The following SLC38A1 variants were observed in gnomAD, a reference collection of about 807,000 sequenced individuals.
SLC38A1 encodes the protein sodium-coupled neutral amino acid symporter 1.
SLC38A1 carries 18 observed loss-of-function variants against 60.3 expected under a neutral mutation model. That is an observed-to-expected ratio of 0.30 (90% CI 0.21 to 0.44). The LOEUF is 0.44. SLC38A1 is among the 20% of genes least tolerant of loss of function. SLC38A1 has a pLI of 1.00. For synonymous variants in SLC38A1, 196 were observed against 212.1 expected, an observed-to-expected ratio of 0.92 and a Z score of 0.66; for missense variants, 448 against 587.2, an observed-to-expected ratio of 0.76 and a Z score of 2.45.
At chr12:46,204,688 A>G in intron 9 of SLC38A1, 98 bp from the exon 10 acceptor site, 1 of 832,644 alleles carries the variant, frequency 1.2e-6, no homozygotes, top group South Asian at 1.8e-5. Context: ...AAAATTCATC[A>G]CCTCACTTAT....
intron 16 of SLC38A1, among the ~76,000 whole-genome samples, 157 bp from the exon 17 acceptor site, chr12:46,189,228 A>C (rs376032146): frequency 1.3e-5 from 2 of 152,062 alleles, no homozygotes; most frequent in East Asian, 1.9e-4. Flanking sequence ...TCTTTCTAAA[A>C]TTTTATGAAT....
At chr12:46,192,533 A>T (rs1484446742) in intron 16 of SLC38A1, among the ~76,000 whole-genome samples, 1 of 152,192 alleles carries the variant, frequency 6.6e-6, no homozygotes, top group Non-Finnish European at 1.5e-5. Flanking sequence ...TACCTCTGGT[A>T]GAATTTGGCT....
chr12:46,233,792 C>G (rs2138072262), intron 3 of SLC38A1, among the ~76,000 whole-genome samples: 1 of 152,312 alleles, frequency 6.6e-6, no homozygotes, highest in African/African-American at 2.4e-5. Context: ...CTCTTTCAGT[C>G]TACTTTCTGC....
intron 1 of SLC38A1, among the ~76,000 whole-genome samples, chr12:46,246,082 C>T (rs1006247872): frequency 6.6e-6 from 1 of 152,188 alleles, no homozygotes; most frequent in African/African-American, 2.4e-5. Context: ...CAGCTCCCAG[C>T]GTGAACAAAG....
chr12:46,253,847 G>A (rs1458827755), intron 1 of SLC38A1, among the ~76,000 whole-genome samples: 1 of 152,180 alleles, frequency 6.6e-6, no homozygotes, highest in Non-Finnish European at 1.5e-5. Context: ...AGGCTGAATA[G>A]GGGTGATGGT....
chr12:46,248,455 G>T (rs1257449958), intron 1 of SLC38A1, among the ~76,000 whole-genome samples: 1 of 152,160 alleles, frequency 6.6e-6, no homozygotes, highest in Non-Finnish European at 1.5e-5. Flanking sequence ...TAATGGTAAA[G>T]GGATCAATTC....
Position 46,186,586 on chromosome 12 carries a change from G to A in SLC38A1, c.*2384C>T, listed in dbSNP as rs969902231. The A allele has an allele frequency of 1.3e-5, 2 of 152,162 alleles. No individual in the cohort carries two copies. Among genetic ancestry groups the A allele is most frequent in the Non-Finnish European group, 2.9e-5 (2 of 68,032 alleles). The allele number at this position is 152,162 out of a possible 1,614,324, so 9.4% of individuals were successfully genotyped here. ...ATGTAACTAATCAGTGATATTTGACGAATTATGGTAGGGTCTATTATATTC... is the reference window on the plus strand; with the variant it reads ...ATGTAACTAATCAGTGATATTTGACAAATTATGGTAGGGTCTATTATATTC... On this transcript the variant is annotated 3_prime_UTR_variant, in exon 17 of 17. Coordinates refer to ENST00000398637, the MANE Select transcript of SLC38A1 (RefSeq NM_030674.4).
At chr12:46,265,146 T>G (rs1942313459) in intron 1 of SLC38A1, among the ~76,000 whole-genome samples, 1 of 152,118 alleles carries the variant, frequency 6.6e-6, no homozygotes, top group Non-Finnish European at 1.5e-5. Context: ...TTACCATCAC[T>G]CAGTAAAGTG....
chr12:46,238,856 T>C lies in SLC38A1; in HGVS notation c.122+823A>G, dbSNP rs548880430. On this transcript the variant is annotated intron_variant, in intron 3 of 16. Transcript: ENST00000398637. Reference sequence around the variant, plus strand: ...GCTTTCCTTCTCTTTTTCTTTTATGTACTATGTCTCTATTATAGTTCCTCA... The same window carrying C: ...GCTTTCCTTCTCTTTTTCTTTTATGCACTATGTCTCTATTATAGTTCCTCA... Among the ~76,000 whole-genome samples, 160 of 152,330 alleles carry C rather than the reference T, an allele frequency of 1.1e-3. 1 individual carries two copies. The highest frequency in any genetic ancestry group is 3.7e-3 in the African/African-American group (153 of 41,576).
chr12:46,195,835 C>T (rs187689627), intron 16 of SLC38A1: 27 of 307,946 alleles, frequency 8.8e-5, no homozygotes, highest in Middle Eastern at 1.2e-3. Flanking sequence ...AGGAGTGTAC[C>T]GTTTCTCCAG....
At chr12:46,193,148 T>C (rs1660046753) in intron 16 of SLC38A1, among the ~76,000 whole-genome samples, 1 of 152,224 alleles carries the variant, frequency 6.6e-6, no homozygotes, top group Admixed American at 6.5e-5. Flanking sequence ...TTCTCATTGG[T>C]TTCAAAGAAC....
intron 16 of SLC38A1, among the ~76,000 whole-genome samples, chr12:46,193,856 C>T (rs1327005517): frequency 2.0e-5 from 3 of 152,136 alleles, no homozygotes; most frequent in African/African-American, 7.2e-5. Context: ...CTCCTCAATA[C>T]AGCACACTGA....
intron 5 of SLC38A1, among the ~76,000 whole-genome samples, chr12:46,223,310 A>G (rs1184555802): frequency 6.6e-6 from 1 of 152,218 alleles, no homozygotes; most frequent in Non-Finnish European, 1.5e-5. Flanking sequence ...ATAGTGTAGC[A>G]TATATAGATA....
intron 5 of SLC38A1, among the ~76,000 whole-genome samples, chr12:46,222,385 T>G (rs2137684237): frequency 6.6e-6 from 1 of 152,266 alleles, no homozygotes; most frequent in East Asian, 1.9e-4. Flanking sequence ...CCAAATATTC[T>G]GGGCAATATA....
intron 3 of SLC38A1, among the ~76,000 whole-genome samples, chr12:46,236,033 G>T (rs2138149737): frequency 6.6e-6 from 1 of 152,254 alleles, no homozygotes. Context: ...AAAGAAAGGG[G>T]ACTGCATTTT....
rs1941044219 is a variant in SLC38A1 at position 46,230,752 on chromosome 12, T to TA, written c.123-1114dup. Among the ~76,000 whole-genome samples, 5 of 152,312 alleles carry TA rather than the reference T, an allele frequency of 3.3e-5. No individual in the cohort carries two copies. The South Asian group carries it at 1.0e-3, about 32-fold the overall frequency. On this transcript the variant is annotated intron_variant, in intron 3 of 16. Transcript: ENST00000398637. Reference sequence around the variant, plus strand: ...AACTTTATAGCCTAAATTTCTAATTTAAAAAAATTATCCAACAAATGATTT... The same window carrying TA: ...AACTTTATAGCCTAAATTTCTAATTTAAAAAAAATTATCCAACAAATGATTT...
chr12:46,217,341 A>G (rs892025387), intron 5 of SLC38A1, among the ~76,000 whole-genome samples: 4 of 152,236 alleles, frequency 2.6e-5, no homozygotes, highest in African/African-American at 9.6e-5. Flanking sequence ...ATAACACTGT[A>G]AAAAATAAGA....
chr12:46,192,560 C>T (rs1239582269), intron 16 of SLC38A1, among the ~76,000 whole-genome samples: 1 of 152,098 alleles, frequency 6.6e-6, no homozygotes, highest in African/African-American at 2.4e-5. Flanking sequence ...CCTTCTGGTC[C>T]TGGACTTTTT....
chr12:46,253,638 A>G lies in SLC38A1; in HGVS notation c.-208-10324T>C, dbSNP rs535336593. Among the ~76,000 whole-genome samples, 7 of 152,214 alleles carry G rather than the reference A, an allele frequency of 4.6e-5. No homozygotes were observed. The South Asian group carries it at 1.0e-3, about 23-fold the overall frequency. On this transcript the variant is annotated intron_variant, in intron 1 of 16. Transcript: ENST00000398637. ...GACCTGTACTTTGTGCTAACCTCCT[A>G]TCTCATTCTGTGACTTAGAATGCTT...
Sources: gnomAD v4.1 joint callset for allele counts (sites outside exome capture counted in the v4.1 genomes callset) on GRCh38, gnomAD v4.1.1 for gene constraint, MANE v1.5 for transcripts, NCBI Gene and HGNC (gene_info 2026-07-23, HGNC 2026-07-21) for gene names.